The following NUAK1 variants were observed in gnomAD, a reference collection of about 807,000 sequenced individuals.
NUAK1 encodes NUAK family SNF1-like kinase 1.
NUAK1 carries 26 observed loss-of-function variants against 56.9 expected under a neutral mutation model. That is an observed-to-expected ratio of 0.46 (90% CI 0.33 to 0.63). The LOEUF (loss-of-function observed/expected upper bound fraction) is 0.63. Among genes scored for constraint, NUAK1 ranks in the 30% least tolerant of loss-of-function variants. NUAK1 has a pLI of 0.02. For missense variants in NUAK1, 727 were observed against 876.1 expected, an observed-to-expected ratio of 0.83 and a Z score of 2.15; for synonymous variants, 337 against 336.0, an observed-to-expected ratio of 1.00 and a Z score of -0.03.
intron 1 of NUAK1, among the ~76,000 whole-genome samples, chr12:106,135,109 T>G (rs1375495027): frequency 6.6e-6 from 1 of 152,224 alleles, no homozygotes; most frequent in East Asian, 1.9e-4. Context: ...TCTATGAAGT[T>G]GGTACTCTTA....
chr12:106,110,023 C>T (rs1369652956), intron 1 of NUAK1, among the ~76,000 whole-genome samples: 1 of 152,180 alleles, frequency 6.6e-6, no homozygotes, highest in African/African-American at 2.4e-5. Context: ...AAGAGCATCT[C>T]CATCCTGGGT....
intron 1 of NUAK1, among the ~76,000 whole-genome samples, chr12:106,106,851 G>A (rs1221873969): frequency 6.6e-6 from 1 of 151,494 alleles, no homozygotes; most frequent in African/African-American, 2.4e-5. Flanking sequence ...CTGATGCTTT[G>A]AAAAAAGAAA....
intron 4 of NUAK1, among the ~76,000 whole-genome samples, 174 bp downstream of exon 4, chr12:106,083,690 C>T (rs1409530966): frequency 3.9e-5 from 6 of 152,214 alleles, no homozygotes; most frequent in South Asian, 2.1e-4. Context: ...AACTGCTTGT[C>T]GCATTTAATT....
At chr12:106,091,961 C>T (rs778487770) in intron 2 of NUAK1, among the ~76,000 whole-genome samples, 8 of 151,956 alleles carry the variant, frequency 5.3e-5, no homozygotes, top group South Asian at 2.1e-4. Flanking sequence ...TTTGGAAGGC[C>T]GAGATGGGAG....
intron 2 of NUAK1, 162 bp from the exon 3 acceptor site, chr12:106,087,047 G>A (rs763896835): frequency 3.9e-6 from 3 of 759,558 alleles, no homozygotes; most frequent in Admixed American, 2.5e-5. Flanking sequence ...GGCGTGGGGC[G>A]TGCTGTCCCG....
intron 4 of NUAK1, among the ~76,000 whole-genome samples, chr12:106,077,240 C>T (rs375621927): frequency 1.3e-5 from 2 of 152,176 alleles, no homozygotes; most frequent in Non-Finnish European, 2.9e-5. Context: ...ATGGCTTTGT[C>T]GTTACTAGGT....
intron 4 of NUAK1, among the ~76,000 whole-genome samples, chr12:106,075,420 G>C (rs1380412480): frequency 6.6e-6 from 1 of 152,084 alleles, no homozygotes; most frequent in Non-Finnish European, 1.5e-5. Context: ...ATTGATAAGA[G>C]GGGAAATGGC....
At position 106,138,422 on chromosome 12, in the gene NUAK1, C is replaced by T. The variant is rs762587360; in HGVS notation, c.232G>A (p.Gly78Ser). ...KVKRATERFS[G>S]RVVAIKSIRK... ...AGGATTGCCCCACTCACCACTCGGC[C>T]AGAAAACCTCTCGGTGGCCCGCTTG... is the stretch of plus-strand genomic sequence containing the variant. The change falls in exon 1 of 7, where the codon GGC becomes AGC. Residue 78 changes from glycine to serine, a missense_variant. Physicochemically the swap from Gly to Ser is moderately conservative, Grantham distance 56. Coordinates refer to ENST00000261402, the MANE Select transcript of NUAK1 (RefSeq NM_014840.3). This position sits in a 1 kb window ranked among gnomAD's most constrained non-coding sequence, Gnocchi z 5.0. The T allele has an allele frequency of 8.1e-6, 13 of 1,609,004 alleles. No individual in the cohort carries two copies. Among genetic ancestry groups the T allele is most frequent in the African/African-American group, 1.3e-5 (1 of 74,804 alleles).
At chr12:106,093,653 T>C (rs771448284) in intron 2 of NUAK1, among the ~76,000 whole-genome samples, 8 of 152,230 alleles carry the variant, frequency 5.3e-5, no homozygotes, top group Non-Finnish European at 1.0e-4. Flanking sequence ...GACAGCCGAA[T>C]ATACTGGACT....
intron 1 of NUAK1, among the ~76,000 whole-genome samples, chr12:106,115,886 T>G (rs1456170751): frequency 6.6e-6 from 1 of 151,990 alleles, no homozygotes; most frequent in African/African-American, 2.4e-5. Flanking sequence ...GGTTGGGGAG[T>G]GTGCTCATGC....
chr12:106,127,517 G>T (rs547223244), intron 1 of NUAK1, among the ~76,000 whole-genome samples: 2 of 152,132 alleles, frequency 1.3e-5, no homozygotes, highest in African/African-American at 2.4e-5. Flanking sequence ...CCTCATACAC[G>T]TGTTTCAGAA....
In NUAK1 at chr12:106,138,546, G is replaced by A. The variant is rs1305154779; in HGVS notation, c.108C>T (p.Pro36=). The A allele has an allele frequency of 6.2e-7, 1 of 1,610,988 alleles. No homozygotes were observed. The highest frequency in any genetic ancestry group is 1.7e-5 in the Admixed American group (1 of 59,980). Residue 36 remains proline (P), a synonymous_variant, in exon 1 of 7, where the codon CCC becomes CCT. Coordinates refer to ENST00000261402, the MANE Select transcript of NUAK1 (RefSeq NM_014840.3). This position sits in a 1 kb window ranked among gnomAD's most constrained non-coding sequence, Gnocchi z 5.0. ...GCCGCTTCACCCCGTGCGGCTTCCT[G>A]GGCTCCAGGGCTGCAGTCGCCCCCG... ...AVAGATAALE[P]RKPHGVKRHH...
chr12:106,112,434 G>A (rs536193749), intron 1 of NUAK1, among the ~76,000 whole-genome samples: 71 of 151,690 alleles, frequency 4.7e-4, no homozygotes, highest in Middle Eastern at 6.8e-3. Flanking sequence ...CAGCCCCACC[G>A]AGGCCACACC....
chr12:106,135,899 AACTCGTTG>A (rs2033125215), intron 1 of NUAK1, among the ~76,000 whole-genome samples: 1 of 152,214 alleles, frequency 6.6e-6, no homozygotes, highest in African/African-American at 2.4e-5. Context: ...GGGCAAGAAC[AACTCGTTG>A]ACCAATTTTT....
chr12:106,075,565 G>T (rs886671385), intron 4 of NUAK1, among the ~76,000 whole-genome samples: 2 of 152,072 alleles, frequency 1.3e-5, no homozygotes, highest in African/African-American at 2.4e-5. Context: ...ACAGTAATTG[G>T]CCCAGAGTTG....
intron 1 of NUAK1, among the ~76,000 whole-genome samples, chr12:106,119,720 G>A (rs2032954806): frequency 6.6e-6 from 1 of 152,070 alleles, no homozygotes; most frequent in South Asian, 2.1e-4. Flanking sequence ...TTTTTAAAAA[G>A]GTCACAAAGA....
rs1406611603 is a variant in NUAK1, at chr12:106,138,802, G to C, written c.-149C>G. 1.5e-5 allele frequency: 17 copies of C among 1,110,358 alleles called. No homozygotes were observed. The highest frequency in any genetic ancestry group is 5.0e-5 in the African/African-American group (3 of 60,226). 68.8% of individuals were successfully genotyped at this position (1,110,358 alleles called of 1,614,324 possible). A position where few individuals can be genotyped will look rare whatever the true frequency, so the allele number is the denominator to read the frequency against. On this transcript the variant is annotated 5_prime_UTR_variant, in exon 1 of 7. Transcript: ENST00000261402. This position sits in a 1 kb window ranked among gnomAD's most constrained non-coding sequence, Gnocchi z 5.0. ...CCCGATACCGCTCGGACTGCGGCTC[G>C]GTCACTGGCGGCGGCGGGGACTGCA...
At chr12:106,121,790 T>C (rs1200086497) in intron 1 of NUAK1, among the ~76,000 whole-genome samples, 2 of 151,616 alleles carry the variant, frequency 1.3e-5, no homozygotes, top group Non-Finnish European at 2.9e-5. Flanking sequence ...GGGAGGAACA[T>C]CCCTCCTGAA....
chr12:106,067,337 C>T lies in NUAK1; in HGVS notation c.1451G>A (p.Arg484His), dbSNP rs111758972. 8.9e-4 allele frequency: 1,431 copies of T among 1,614,182 alleles called. 8 individuals are homozygous for T. The African/African-American group carries it at 0.017, about 19-fold the overall frequency. ...GTCCAACAGCTCCGAAGACTCACTG[C>T]GCTCTGGGGAAGAGTAGTAACCTGA... ...RESGYYSSPERSESSELLDSN... is the reference protein window; with the variant it reads ...RESGYYSSPEHSESSELLDSN... The change falls in exon 7 of 7, where the codon CGC (arginine) becomes CAC (histidine). Residue 484 changes from arginine to histidine, a missense_variant. By Grantham distance (29) the Arg-to-His change is conservative (BLOSUM62 0). Coordinates refer to ENST00000261402, the MANE Select transcript of NUAK1 (RefSeq NM_014840.3). This position sits in a 1 kb window ranked among gnomAD's most constrained non-coding sequence, Gnocchi z 6.0.
Sources: gnomAD v4.1 joint callset for allele counts (sites outside exome capture counted in the v4.1 genomes callset) on GRCh38, gnomAD v4.1.1 for gene constraint, Gnocchi (gnomAD v3.1) non-coding constraint, MANE v1.5 for transcripts, NCBI Gene and HGNC (gene_info 2026-07-23, HGNC 2026-07-21) for gene names.